Variants in BBX observed in about 807,000 individuals in gnomAD.
BBX encodes BBX high mobility group box domain containing.
In BBX, 30 loss-of-function variants were observed where a neutral mutation model predicts 100.2. The observed-to-expected ratio is 0.30, with a 90% CI of 0.22 to 0.41. The LOEUF (loss-of-function observed/expected upper bound fraction) is 0.41. Among genes scored for constraint, BBX ranks in the 10% least tolerant of loss-of-function variants. The pLI is 1.00. For synonymous variants in BBX, 376 were observed against 388.1 expected (o/e 0.97, Z 0.37); for missense variants, 1,023 against 1,129.8 (o/e 0.91, Z 1.35).
At chr3:107,618,528 A>G (rs141392443) in intron 2 of BBX, among the ~76,000 whole-genome samples, 1,911 of 152,148 alleles carry the variant, frequency 0.013, 25 homozygotes, top group Middle Eastern at 0.027. Context: ...CAAAAAAAGT[A>G]TTTAGTGCTA....
chr3:107,566,077 TGGCAG>T (rs2107497271), intron 2 of BBX, among the ~76,000 whole-genome samples: 1 of 138,936 alleles, frequency 7.2e-6, no homozygotes, highest in South Asian at 2.4e-4. Flanking sequence ...TGGGAGATTG[TGGCAG>T]GAGAATCGCT....
chr3:107,769,037 A>G (rs1027414545), intron 10 of BBX, among the ~76,000 whole-genome samples: 1 of 151,158 alleles, frequency 6.6e-6, no homozygotes, highest in Non-Finnish European at 1.5e-5. Context: ...GCATAGTGGC[A>G]TGAACCTGTA....
intron 5 of BBX, among the ~76,000 whole-genome samples, chr3:107,724,429 A>G (rs1451516067): frequency 1.3e-5 from 2 of 151,732 alleles, no homozygotes. Context: ...CCATTTGTCA[A>G]TTTTGTCTTT....
At chr3:107,676,954 A>G (rs532593347) in intron 3 of BBX, among the ~76,000 whole-genome samples, 5 of 152,252 alleles carry the variant, frequency 3.3e-5, no homozygotes, top group African/African-American at 1.2e-4. Flanking sequence ...AGCATTCTTG[A>G]CTAGAGGGTA....
intron 2 of BBX, among the ~76,000 whole-genome samples, chr3:107,563,083 T>C (rs2050629306): frequency 6.6e-6 from 1 of 152,250 alleles, no homozygotes; most frequent in Admixed American, 6.5e-5. Context: ...TGTGTTAGGC[T>C]CACAGCTTTG....
At chr3:107,713,490 C>T (rs1490950745) in intron 4 of BBX, among the ~76,000 whole-genome samples, 1 of 151,950 alleles carries the variant, frequency 6.6e-6, no homozygotes, top group Non-Finnish European at 1.5e-5. Flanking sequence ...TTAATGAGCT[C>T]CTGGGGAAAG....
At chr3:107,589,261 T>C (rs2053099024) in intron 2 of BBX, among the ~76,000 whole-genome samples, 1 of 152,224 alleles carries the variant, frequency 6.6e-6, no homozygotes, top group African/African-American at 2.4e-5. Context: ...TCATCTTGAG[T>C]TCTTAGGAAG....
intron 3 of BBX, among the ~76,000 whole-genome samples, chr3:107,656,478 A>C (rs1044454912): frequency 2.0e-5 from 3 of 152,162 alleles, no homozygotes; most frequent in African/African-American, 7.2e-5. Flanking sequence ...TTGAGTATGT[A>C]AACATCCAAA....
At chr3:107,578,028 G>A (rs2051935319) in intron 2 of BBX, among the ~76,000 whole-genome samples, 1 of 152,228 alleles carries the variant, frequency 6.6e-6, no homozygotes, top group Non-Finnish European at 1.5e-5. Flanking sequence ...CATTGACCAT[G>A]TTTAAGTGGT....
At chr3:107,805,310 C>T in intron 17 of BBX, 60 bp from the exon 18 acceptor site, 1 of 1,490,216 alleles carries the variant, frequency 6.7e-7, no homozygotes, top group Non-Finnish European at 9.1e-7. Context: ...ATTCATCGTC[C>T]TCTCCTGTCT....
intron 2 of BBX, among the ~76,000 whole-genome samples, chr3:107,600,119 C>A (rs1248214284): frequency 6.6e-6 from 1 of 152,166 alleles, no homozygotes; most frequent in Non-Finnish European, 1.5e-5. Context: ...AGCCTAAAAC[C>A]ATTGATGCCT....
chr3:107,588,000 C>A (rs1296348236), intron 2 of BBX, among the ~76,000 whole-genome samples: 3 of 152,164 alleles, frequency 2.0e-5, no homozygotes, highest in Non-Finnish European at 4.4e-5. Flanking sequence ...ACAAGAGTCA[C>A]GATTTTTAAC....
intron 3 of BBX, chr3:107,659,590 A>T: frequency 2.8e-6 from 1 of 361,940 alleles, no homozygotes; most frequent in Non-Finnish European, 5.0e-6. Flanking sequence ...AAGAACAGAG[A>T]GGTGAAATTA....
intron 2 of BBX, among the ~76,000 whole-genome samples, chr3:107,644,030 C>G (rs1178457477): frequency 6.6e-6 from 1 of 152,118 alleles, no homozygotes; most frequent in Non-Finnish European, 1.5e-5. Flanking sequence ...CCTCTCTCAC[C>G]CCTCTGCTAC....
chr3:107,643,938 C>T (rs1337457349), intron 2 of BBX, among the ~76,000 whole-genome samples: 28 of 152,098 alleles, frequency 1.8e-4, no homozygotes, highest in Non-Finnish European at 2.9e-5. Context: ...TGGCTGATTT[C>T]CTGGCTTCTT....
At chr3:107,797,466 T>A (rs1052357104) in intron 15 of BBX, among the ~76,000 whole-genome samples, 6 of 150,778 alleles carry the variant, frequency 4.0e-5, no homozygotes, top group African/African-American at 1.2e-4. Context: ...ATTCTCCTTT[T>A]CTTTGTCAAA....
At chr3:107,613,941 GTTTTTTT>G (rs533672871) in intron 2 of BBX, among the ~76,000 whole-genome samples, 1 of 86,544 alleles carries the variant, frequency 1.2e-5, no homozygotes, top group Non-Finnish European at 2.4e-5. Flanking sequence ...ACATACCATG[GTTTTTTT>G]TTTTTTTTTT....
intron 2 of BBX, among the ~76,000 whole-genome samples, chr3:107,611,707 G>C (rs1036416632): frequency 6.6e-6 from 1 of 151,962 alleles, no homozygotes; most frequent in Admixed American, 6.6e-5. Flanking sequence ...AATGCCTTGA[G>C]GTAGTCTTTT....
At chr3:107,692,770 C>T (rs2060271158) in intron 3 of BBX, among the ~76,000 whole-genome samples, 2 of 150,170 alleles carry the variant, frequency 1.3e-5, no homozygotes, top group Admixed American at 6.7e-5. Context: ...GAGGAATCGC[C>T]ACGCTGACTT....
Sources: allele counts gnomAD v4.1 joint callset (sites outside exome capture counted in the v4.1 genomes callset), GRCh38; gene constraint gnomAD v4.1.1; transcripts MANE v1.5; gene names NCBI Gene and HGNC (gene_info 2026-07-23, HGNC 2026-07-21).